Variants in ASIP observed in about 807,000 individuals in gnomAD.
ASIP encodes agouti-signaling protein.
ASIP carries 11 observed loss-of-function variants against 10.3 expected under a neutral mutation model. That is an observed-to-expected ratio of 1.07 (90% CI 0.68 to 1.78). The LOEUF (loss-of-function observed/expected upper bound fraction) is 1.78. Ranked by LOEUF, ASIP falls within the 40% of genes most tolerant of loss-of-function variation. ASIP has a pLI of 0.00. For missense variants in ASIP, 180 were observed against 169.2 expected (o/e 1.06, Z -0.35); for synonymous variants, 70 against 70.8 (o/e 0.99, Z 0.06).
At chr20:34,220,469 C>G (rs1005756241) in intron 1 of ASIP, among the ~76,000 whole-genome samples, 8 of 152,096 alleles carry the variant, frequency 5.3e-5, no homozygotes, top group African/African-American at 1.9e-4. Flanking sequence ...GGTGCATGCA[C>G]CTTTAGTCCC....
chr20:34,241,199 A>G (rs754042235), upstream of ASIP, among the ~76,000 whole-genome samples: 1 of 152,204 alleles, frequency 6.6e-6, no homozygotes, highest in Non-Finnish European at 1.5e-5. Context: ...GGGTTGCTAG[A>G]GAGCTCCTTT....
At chr20:34,201,017 C>CTTTCTTTCTTTCTTTCTTTCT (rs2034892333) in intron 1 of ASIP, among the ~76,000 whole-genome samples, 1 of 63,412 alleles carries the variant, frequency 1.6e-5, no homozygotes, top group Non-Finnish European at 3.1e-5. Context: ...TCCTTCCTTC[C>CTTTCTTTCTTTCTTTCTTTCT]TTCTTTCTTT....
intron 1 of ASIP, among the ~76,000 whole-genome samples, chr20:34,253,486 T>TA: frequency 6.6e-6 from 1 of 151,198 alleles, no homozygotes; most frequent in Non-Finnish European, 1.5e-5. Context: ...TTTATTTATT[T>TA]TTTAGAGACA....
intron 1 of ASIP, among the ~76,000 whole-genome samples, chr20:34,204,242 C>T (rs185700105): frequency 2.1e-4 from 30 of 142,966 alleles, no homozygotes; most frequent in Middle Eastern, 3.8e-3. Flanking sequence ...TTTTTTGAGA[C>T]GGAGTTTTGC....
At chr20:34,260,103 C>G (rs2035663152) in intron 1 of ASIP, among the ~76,000 whole-genome samples, 1 of 151,950 alleles carries the variant, frequency 6.6e-6, no homozygotes, top group African/African-American at 2.4e-5. Flanking sequence ...ACAGCAGAGA[C>G]CAGTGCAATG....
chr20:34,232,015 C>T (rs2035124825), intron 1 of ASIP, among the ~76,000 whole-genome samples: 1 of 152,198 alleles, frequency 6.6e-6, no homozygotes, highest in Admixed American at 6.5e-5. Flanking sequence ...CATCACACAG[C>T]AAGCAGCATG....
In ASIP at chr20:34,259,521, TAA is replaced by T. The variant is rs550322503; in HGVS notation, c.-10-840_-10-839del. Among the ~76,000 whole-genome samples the T allele has an allele frequency of 6.7e-5, 10 of 149,144 alleles. No individual in the cohort carries two copies. In the East Asian group the frequency reaches 7.9e-4, roughly 12 times the overall value. ...GAGCAAGACTCTGTCTCAAAAAAAA[TAA>T]AAAGAGTTAGAAAATATAAAATGCT... On this transcript the variant is annotated intron_variant, in intron 1 of 3. Coordinates refer to ENST00000374954, the MANE Select transcript of ASIP (RefSeq NM_001672.3).
At chr20:34,242,011 A>T (rs1461745485) in intron 1 of ASIP, among the ~76,000 whole-genome samples, 1 of 152,118 alleles carries the variant, frequency 6.6e-6, no homozygotes, top group African/African-American at 2.4e-5. Context: ...TTCTGAATGG[A>T]TATCCATATT....
intron 1 of ASIP, among the ~76,000 whole-genome samples, chr20:34,226,639 C>T (rs1285180075): frequency 2.0e-5 from 3 of 152,168 alleles, no homozygotes; most frequent in African/African-American, 7.2e-5. Context: ...TAGGAATGAG[C>T]CACTGCACTC....
chr20:34,265,974 A>G (rs552867847), intron 3 of ASIP, among the ~76,000 whole-genome samples: 6 of 151,942 alleles, frequency 3.9e-5, no homozygotes, highest in South Asian at 4.2e-4. Flanking sequence ...GGAGGGGGGG[A>G]AGTTAAAACA....
intron 2 of ASIP, among the ~76,000 whole-genome samples, chr20:34,261,791 C>T: frequency 6.6e-6 from 1 of 151,156 alleles, no homozygotes; most frequent in East Asian, 2.0e-4. Context: ...GACAGACAGA[C>T]CCTGACTCAA....
At chr20:34,246,561 C>A (rs1026263041) in intron 1 of ASIP, 3 of 834,350 alleles carry the variant, frequency 3.6e-6, no homozygotes, top group Non-Finnish European at 6.0e-6. Context: ...TGCCTCCGGG[C>A]TCAAGCAATC....
intron 1 of ASIP, chr20:34,214,298 A>G: frequency 7.3e-7 from 1 of 1,370,522 alleles, no homozygotes; most frequent in Non-Finnish European, 1.0e-6. Context: ...CCATTAGTAC[A>G]CATGGAACGT....
upstream of ASIP, among the ~76,000 whole-genome samples, chr20:34,237,855 A>G (rs2035230891): frequency 6.6e-6 from 1 of 151,608 alleles, no homozygotes; most frequent in Non-Finnish European, 1.5e-5. Context: ...GTTTTTTTTT[A>G]TCATGAAATT....
Position 34,269,083 on chromosome 20 carries a change from C to G in ASIP, c.315C>G (p.Pro105=), listed in dbSNP as rs1323219897. The G allele has an allele frequency of 6.3e-7, 1 of 1,581,472 alleles. No homozygotes were observed. Among genetic ancestry groups the G allele is most frequent in the Non-Finnish European group, 8.6e-7 (1 of 1,164,628 alleles). ...ATRNSCKPPA[P]ACCDPCASCQ... Reference sequence around the variant, plus strand: ...GCAACAGCTGCAAGCCGCCGGCACCCGCCTGCTGCGACCCGTGCGCCTCCT... The same window carrying G: ...GCAACAGCTGCAAGCCGCCGGCACCGGCCTGCTGCGACCCGTGCGCCTCCT... The change falls in exon 4 of 4, where the codon CCC becomes CCG. Residue 105 remains proline, a synonymous_variant. Transcript: ENST00000374954.
chr20:34,258,879 A>G (rs1218818557), intron 1 of ASIP, among the ~76,000 whole-genome samples: 1 of 130,214 alleles, frequency 7.7e-6, no homozygotes, highest in Non-Finnish European at 1.6e-5. Flanking sequence ...AATACTATAT[A>G]TATAGTATTA....
chr20:34,269,117 C>G lies in ASIP; in HGVS notation c.349C>G (p.Arg117Gly), dbSNP rs937888696. Reference protein sequence around the residue: ...CCDPCASCQCRFFRSACSCRV... With the variant: ...CCDPCASCQCGFFRSACSCRV... ...CGACCCGTGCGCCTCCTGCCAGTGC[C>G]GCTTCTTCCGCAGCGCCTGCTCCTG... The change falls in exon 4 of 4, where the codon CGC (arginine) becomes GGC (glycine). Residue 117 changes from arginine to glycine, a missense_variant. Transcript: ENST00000374954. 1.3e-6 allele frequency: 2 copies of G among 1,560,336 alleles called. No homozygotes were observed. Among genetic ancestry groups the G allele is most frequent in the East Asian group, 2.4e-5 (1 of 41,544 alleles).
chr20:34,248,588 A>G (rs1340324358), intron 1 of ASIP, among the ~76,000 whole-genome samples: 2 of 152,146 alleles, frequency 1.3e-5, no homozygotes, highest in Admixed American at 1.3e-4. Context: ...GTGTCTCTTG[A>G]GCCCAGGAGT....
At chr20:34,208,061 G>A (rs1264842876) in intron 1 of ASIP, among the ~76,000 whole-genome samples, 3 of 152,052 alleles carry the variant, frequency 2.0e-5, no homozygotes, top group South Asian at 2.1e-4. Flanking sequence ...ACAGGTGTGA[G>A]CCACCACACC....
Sources: gnomAD v4.1 joint callset for allele counts (sites outside exome capture counted in the v4.1 genomes callset) on GRCh38, gnomAD v4.1.1 for gene constraint, MANE v1.5 for transcripts, NCBI Gene and HGNC (gene_info 2026-07-23, HGNC 2026-07-21) for gene names.